The following CPNE8 variants were observed in gnomAD, a reference collection of about 807,000 sequenced individuals.
CPNE8 encodes the protein copine-8.
CPNE8 carries 45 observed loss-of-function variants against 81.5 expected under a neutral mutation model. The observed-to-expected ratio is 0.55, with a 90% CI of 0.44 to 0.71. CPNE8 has a LOEUF of 0.71. Among genes scored for constraint, CPNE8 ranks in the 30% least tolerant of loss-of-function variants. The pLI is 0.00. For synonymous variants in CPNE8, 252 were observed against 226.3 expected, an observed-to-expected ratio of 1.11 and a Z score of -1.02; for missense variants, 594 against 672.1, an observed-to-expected ratio of 0.88 and a Z score of 1.28.
At chr12:38,808,741 C>T (rs1942874112) in intron 6 of CPNE8, among the ~76,000 whole-genome samples, 2 of 150,360 alleles carry the variant, frequency 1.3e-5, no homozygotes, top group South Asian at 4.2e-4. Flanking sequence ...TACCCTAAAA[C>T]TTAAAGTATA....
At chr12:38,758,491 G>A (rs947828060) in intron 10 of CPNE8, among the ~76,000 whole-genome samples, 6 of 152,028 alleles carry the variant, frequency 3.9e-5, no homozygotes, top group Non-Finnish European at 8.8e-5. Context: ...CAGGAATTAC[G>A]ATTACAATGC....
intron 13 of CPNE8, among the ~76,000 whole-genome samples, chr12:38,712,313 CG>C (rs923086270): frequency 2.6e-5 from 4 of 151,670 alleles, no homozygotes; most frequent in African/African-American, 7.3e-5. Flanking sequence ...TAACAATCCC[CG>C]CCCCTGCACC....
chr12:38,827,204 C>T (rs1943213915), intron 6 of CPNE8, among the ~76,000 whole-genome samples: 2 of 147,140 alleles, frequency 1.4e-5, no homozygotes, highest in Admixed American at 6.8e-5. Context: ...ACATAGCCAA[C>T]GTGCATAGGA....
At chr12:38,879,506 T>G (rs2137118362) in intron 1 of CPNE8, among the ~76,000 whole-genome samples, 1 of 152,244 alleles carries the variant, frequency 6.6e-6, no homozygotes, top group East Asian at 1.9e-4. Flanking sequence ...AAGGATTTAA[T>G]AGTAGAAAAT....
At chr12:38,851,578 C>T (rs1943646961) in intron 3 of CPNE8, among the ~76,000 whole-genome samples, 2 of 152,172 alleles carry the variant, frequency 1.3e-5, no homozygotes, top group South Asian at 4.1e-4. Context: ...CTCCATAGCT[C>T]CCATCATCAG....
chr12:38,849,315 TC>T (rs973083418), intron 3 of CPNE8, among the ~76,000 whole-genome samples: 1 of 152,140 alleles, frequency 6.6e-6, no homozygotes, highest in African/African-American at 2.4e-5. Context: ...TAGTCCTCCC[TC>T]CTTTCAATGT....
At chr12:38,775,710 A>C (rs1941918391) in intron 7 of CPNE8, among the ~76,000 whole-genome samples, 1 of 152,092 alleles carries the variant, frequency 6.6e-6, no homozygotes, top group Non-Finnish European at 1.5e-5. Flanking sequence ...CAGAGTATGC[A>C]CTCTCTGTAG....
At chr12:38,666,119 G>A (rs567323075) in intron 19 of CPNE8, among the ~76,000 whole-genome samples, 14 of 152,250 alleles carry the variant, frequency 9.2e-5, no homozygotes, top group Middle Eastern at 3.4e-3. Context: ...AACTTAGAAA[G>A]TTTAATTAAC....
intron 6 of CPNE8, among the ~76,000 whole-genome samples, chr12:38,784,756 T>C (rs540015341): frequency 3.3e-5 from 5 of 152,296 alleles, no homozygotes; most frequent in African/African-American, 1.2e-4. Flanking sequence ...AAAAACTTTT[T>C]ACCCTGGAAT....
At chr12:38,739,941 A>G (rs948378222) in intron 10 of CPNE8, among the ~76,000 whole-genome samples, 3 of 152,178 alleles carry the variant, frequency 2.0e-5, no homozygotes, top group Non-Finnish European at 4.4e-5. Context: ...CTCTTTCTAC[A>G]TATGTAATAT....
At chr12:38,795,514 A>G (rs941986031) in intron 6 of CPNE8, among the ~76,000 whole-genome samples, 1 of 152,222 alleles carries the variant, frequency 6.6e-6, no homozygotes, top group Non-Finnish European at 1.5e-5. Context: ...AAAATGTGGT[A>G]TATACATAGG....
intron 19 of CPNE8, among the ~76,000 whole-genome samples, chr12:38,670,293 T>C (rs1939145207): frequency 6.6e-6 from 1 of 152,134 alleles, no homozygotes; most frequent in South Asian, 2.1e-4. Context: ...ATCCTAAAAA[T>C]ATGGAAATTT....
At chr12:38,812,755 C>A (rs1942959748) in intron 6 of CPNE8, among the ~76,000 whole-genome samples, 1 of 152,214 alleles carries the variant, frequency 6.6e-6, no homozygotes, top group Admixed American at 6.5e-5. Context: ...AGTGGCTTCT[C>A]ACTCTTCTGC....
intron 9 of CPNE8, among the ~76,000 whole-genome samples, chr12:38,761,359 T>C (rs1266155850): frequency 6.6e-6 from 1 of 152,190 alleles, no homozygotes; most frequent in Non-Finnish European, 1.5e-5. Context: ...TGCTGACTGA[T>C]GCTGCTAATC....
chr12:38,748,944 G>A (rs1288925753), intron 10 of CPNE8, among the ~76,000 whole-genome samples: 1 of 152,052 alleles, frequency 6.6e-6, no homozygotes, highest in African/African-American at 2.4e-5. Context: ...TAGTTTAAAT[G>A]TTATTTGTTA....
chr12:38,773,531 A>G (rs1168331797), intron 7 of CPNE8, among the ~76,000 whole-genome samples: 1 of 152,086 alleles, frequency 6.6e-6, no homozygotes, highest in Non-Finnish European at 1.5e-5. Context: ...GCATAACTTA[A>G]AGCTTCAACA....
intron 7 of CPNE8, among the ~76,000 whole-genome samples, chr12:38,767,962 A>C (rs772225232): frequency 1.3e-5 from 2 of 152,172 alleles, no homozygotes; most frequent in African/African-American, 2.4e-5. Context: ...ACTTTTCAAA[A>C]ACTTTTAACA....
intron 4 of CPNE8, among the ~76,000 whole-genome samples, chr12:38,843,107 A>C (rs1592132938): frequency 6.6e-6 from 1 of 152,316 alleles, no homozygotes; most frequent in East Asian, 1.9e-4. Context: ...GGATGCATCC[A>C]CTGTGCCTAA....
At position 38,678,528 on chromosome 12, in the gene CPNE8, C is replaced by T. The variant is rs142843458; in HGVS notation, c.1272-974G>A. On this transcript the variant is annotated intron_variant, in intron 16 of 19. Transcript: ENST00000331366. ...CTAAAAGTTATCAAGTAAAAATTCCCTTACAACCTGAAGGATTAATGAAAA... is the reference window on the plus strand; with the variant it reads ...CTAAAAGTTATCAAGTAAAAATTCCTTTACAACCTGAAGGATTAATGAAAA... Among the ~76,000 whole-genome samples, 17 of 151,964 alleles carry T rather than the reference C, an allele frequency of 1.1e-4. No individual in the cohort carries two copies. The East Asian group carries it at 3.3e-3, about 29-fold the overall frequency.
Sources: gnomAD v4.1 joint callset for allele counts (sites outside exome capture counted in the v4.1 genomes callset) on GRCh38, gnomAD v4.1.1 for gene constraint, MANE v1.5 for transcripts, NCBI Gene and HGNC (gene_info 2026-07-23, HGNC 2026-07-21) for gene names.